Variants in NRDE2 observed in about 807,000 individuals in gnomAD.
The protein encoded by NRDE2 is nuclear exosome regulator NRDE2.
In NRDE2, 76 loss-of-function variants were observed where a neutral mutation model predicts 124.2. The ratio of observed to expected loss-of-function variants is 0.61; its 90% CI spans 0.51 to 0.74. The LOEUF (loss-of-function observed/expected upper bound fraction) is 0.74. Among genes scored for constraint, NRDE2 ranks in the 30% least tolerant of loss-of-function variants. The pLI is 0.00. For synonymous variants in NRDE2, 489 were observed against 528.1 expected (o/e 0.93, Z 1.01); for missense variants, 1,314 against 1,417.3 (o/e 0.93, Z 1.17).
At chr14:90,286,564 G>T (rs7160304) in intron 11 of NRDE2, 72 bp from the exon 12 acceptor site, 915,078 of 1,541,828 alleles carry the variant, frequency 0.59, 273,024 homozygotes, top group Middle Eastern at 0.71. Context: ...AGAGATGCCT[G>T]AGTGATGATA....
intron 1 of NRDE2, among the ~76,000 whole-genome samples, chr14:90,328,598 C>G (rs2139721184): frequency 6.6e-6 from 1 of 152,312 alleles, no homozygotes; most frequent in African/African-American, 2.4e-5. Context: ...ATCACTAAAA[C>G]AGAGAACGTT....
At chr14:90,280,733 C>T (rs73316795) in intron 12 of NRDE2, 20,277 of 152,282 alleles carry the variant, frequency 0.13, 1,569 homozygotes, top group East Asian at 0.21. Context: ...AGTTCATGGG[C>T]GCTATCTGGC....
chr14:90,306,809 CAA>C (rs34221775), intron 4 of NRDE2, among the ~76,000 whole-genome samples: 10 of 135,348 alleles, frequency 7.4e-5, no homozygotes, highest in Admixed American at 3.7e-4. Flanking sequence ...GACTTGGTCT[CAA>C]AAAAAAAAAA....
chr14:90,310,221 C>T (rs1038429843), intron 4 of NRDE2, among the ~76,000 whole-genome samples: 1 of 152,178 alleles, frequency 6.6e-6, no homozygotes, highest in Non-Finnish European at 1.5e-5. Flanking sequence ...GTTTCCAAAT[C>T]TAGAAAACGT....
chr14:90,269,697 G>C lies in NRDE2; in HGVS notation c.*8639C>G. The stretch of plus-strand genomic sequence containing the variant: ...TTTACAAAAAAATAGGTCCTCTTGA[G>C]ATGAGGGTTAAAACAGAGCATGATA... On this transcript the variant is annotated 3_prime_UTR_variant, in exon 14 of 14. Coordinates refer to ENST00000354366, the MANE Select transcript of NRDE2 (RefSeq NM_017970.4). 1.3e-6 allele frequency: 1 copy of C among 799,782 alleles called. No individual in the cohort carries two copies. Among genetic ancestry groups the C allele is most frequent in the Non-Finnish European group, 1.9e-6 (1 of 516,754 alleles). The allele number at this position is 799,782 out of a possible 1,614,324, so 49.5% of individuals were successfully genotyped here.
intron 1 of NRDE2, among the ~76,000 whole-genome samples, chr14:90,321,137 T>A (rs1471761947): frequency 6.6e-6 from 1 of 152,180 alleles, no homozygotes; most frequent in African/African-American, 2.4e-5. Context: ...ATATAAATAT[T>A]CTAGATAGTG....
At position 90,275,172 on chromosome 14, in the gene NRDE2, T is replaced by TC. The variant is rs1463117883; in HGVS notation, c.*3163dup. 6.6e-6 allele frequency: 1 copy of TC among 152,084 alleles called. No homozygotes were observed. The highest frequency in any genetic ancestry group is 2.4e-5 in the African/African-American group (1 of 41,388). 9.4% of individuals were successfully genotyped at this position (152,084 alleles called of 1,614,324 possible). ...TCCACGTCTTGGAAGTCAAAAAGCT[T>TC]CCAATCAGAAGGAGACCAAAGAGAT... is the stretch of plus-strand genomic sequence containing the variant. On this transcript the variant is annotated 3_prime_UTR_variant, in exon 14 of 14. Coordinates refer to ENST00000354366, the MANE Select transcript of NRDE2 (RefSeq NM_017970.4).
At chr14:90,304,567 G>A (rs1884532707) in intron 4 of NRDE2, 185 bp from the exon 5 acceptor site, 1 of 558,054 alleles carries the variant, frequency 1.8e-6, no homozygotes, top group East Asian at 2.8e-5. Flanking sequence ...TTTCTGCCTG[G>A]CTTGACTTCT....
chr14:90,287,166 A>C (rs4904669), intron 11 of NRDE2, among the ~76,000 whole-genome samples: 20,433 of 152,080 alleles, frequency 0.13, 1,593 homozygotes, highest in East Asian at 0.21. Flanking sequence ...ACATAGAGTG[A>C]ACAAAATCCC....
chr14:90,270,972 G>A lies in NRDE2; in HGVS notation c.*7364C>T, dbSNP rs1218227310. The A allele has an allele frequency of 3.3e-5, 5 of 152,174 alleles. No homozygotes were observed. The highest frequency in any genetic ancestry group is 2.1e-4 in the South Asian group (1 of 4,832). 9.4% of individuals were successfully genotyped at this position (152,174 alleles called of 1,614,324 possible). A position where few individuals can be genotyped will look rare whatever the true frequency, so the allele number is the denominator to read the frequency against. ...AGGCCAGCACCTGCCCTGAGCCCAC[G>A]GATCATTGGCAGTTAGTCCTAGAGA... On this transcript the variant is annotated 3_prime_UTR_variant, in exon 14 of 14. Transcript: ENST00000354366.
chr14:90,311,592 A>G (rs1384546552), intron 4 of NRDE2, among the ~76,000 whole-genome samples: 3 of 152,194 alleles, frequency 2.0e-5, no homozygotes, highest in Non-Finnish European at 4.4e-5. Flanking sequence ...ACCACGTGGA[A>G]CTGTGAGTCC....
Position 90,269,768 on chromosome 14 carries a change from C to G in NRDE2, c.*8568G>C. 1 of 450,490 alleles carries G rather than the reference C, an allele frequency of 2.2e-6. No individual in the cohort carries two copies. 27.9% of individuals were successfully genotyped at this position (450,490 alleles called of 1,614,324 possible). On this transcript the variant is annotated 3_prime_UTR_variant, in exon 14 of 14. Transcript: ENST00000354366. Reference sequence around the variant, plus strand: ...TTTGAATTCCAGTCTTATGTCTTGTCTTTTCTTTTCCATAACATTCCCTTT... The same window carrying G: ...TTTGAATTCCAGTCTTATGTCTTGTGTTTTCTTTTCCATAACATTCCCTTT...
At chr14:90,319,969 C>T (rs1885185108) in intron 1 of NRDE2, among the ~76,000 whole-genome samples, 3 of 152,208 alleles carry the variant, frequency 2.0e-5, no homozygotes, top group Admixed American at 1.3e-4. Flanking sequence ...CCAGTTTCTC[C>T]ATATCCTTTT....
chr14:90,312,098 A>G (rs1047850129), intron 4 of NRDE2, among the ~76,000 whole-genome samples: 1 of 152,230 alleles, frequency 6.6e-6, no homozygotes, highest in Non-Finnish European at 1.5e-5. Flanking sequence ...GTCTGTCACA[A>G]TTAATTATTA....
At chr14:90,327,479 T>C (rs1471195137) in intron 1 of NRDE2, among the ~76,000 whole-genome samples, 2 of 151,846 alleles carry the variant, frequency 1.3e-5, no homozygotes, top group African/African-American at 4.8e-5. Flanking sequence ...ATCCCAGGAA[T>C]TGGAGATTGT....
chr14:90,320,288 G>A (rs1050409404), intron 1 of NRDE2, among the ~76,000 whole-genome samples: 1 of 152,194 alleles, frequency 6.6e-6, no homozygotes, highest in African/African-American at 2.4e-5. Context: ...CAATCATGGT[G>A]GAAGGTGAAG....
chr14:90,316,482 A>C (rs1176796352), intron 3 of NRDE2, 96 bp downstream of exon 3: 4 of 850,062 alleles, frequency 4.7e-6, no homozygotes, highest in Non-Finnish European at 7.5e-6. Context: ...CGACTGAGTG[A>C]CTAAATGGTT....
At chr14:90,317,364 G>T (rs1253073274) in intron 2 of NRDE2, among the ~76,000 whole-genome samples, 1 of 152,152 alleles carries the variant, frequency 6.6e-6, no homozygotes, top group Non-Finnish European at 1.5e-5. Flanking sequence ...TTTAATTGTG[G>T]TCCTTGTTTT....
At chr14:90,290,198 T>C (rs1892232497) in intron 10 of NRDE2, 23 bp downstream of exon 10, 3 of 1,603,938 alleles carry the variant, frequency 1.9e-6, no homozygotes, top group Admixed American at 1.7e-5. Flanking sequence ...TCCCCAAACA[T>C]GGGAGGACGA....
Sources: gnomAD v4.1 joint callset for allele counts (sites outside exome capture counted in the v4.1 genomes callset) on GRCh38, gnomAD v4.1.1 for gene constraint, MANE v1.5 for transcripts, NCBI Gene and HGNC (gene_info 2026-07-23, HGNC 2026-07-21) for gene names.